Variants in LAMB4 observed in about 807,000 individuals in gnomAD.
LAMB4 encodes laminin subunit beta 4, also known as laminin subunit beta-4.
A neutral mutation model predicts 199.2 loss-of-function variants in LAMB4; 196 were observed. The observed-to-expected ratio is 0.98, with a 90% CI of 0.88 to 1.11. The LOEUF is 1.11. Among genes scored for constraint, LAMB4 ranks in the 50% least tolerant of loss-of-function variants. The probability of loss-of-function intolerance (pLI) is 0.00; values close to 1 mark genes in which losing one functional copy is unlikely to be tolerated. For synonymous variants in LAMB4, 744 were observed against 770.6 expected (o/e 0.97, Z 0.57); for missense variants, 2,080 against 2,171.2 (o/e 0.96, Z 0.83).
At chr7:108,047,583 G>C (rs906675791) in intron 28 of LAMB4, among the ~76,000 whole-genome samples, 1 of 151,980 alleles carries the variant, frequency 6.6e-6, no homozygotes, top group African/African-American at 2.4e-5. Flanking sequence ...GTCAACAGTG[G>C]GCTATTAGCA....
At chr7:108,033,555 C>G (rs535238341) in intron 31 of LAMB4, among the ~76,000 whole-genome samples, 12 of 151,866 alleles carry the variant, frequency 7.9e-5, no homozygotes, top group Non-Finnish European at 1.5e-4. Context: ...ATTATAGGTG[C>G]CTGCCACCAT....
chr7:108,089,310 G>A (rs147156881), intron 14 of LAMB4, among the ~76,000 whole-genome samples: 5 of 152,160 alleles, frequency 3.3e-5, no homozygotes, highest in Non-Finnish European at 7.4e-5. Flanking sequence ...ATAAAGTTTA[G>A]CCTCTTTAGC....
In LAMB4 at chr7:108,030,872, T is replaced by C. The variant is rs772652932; in HGVS notation, c.4926A>G (p.Gln1642=). Residue 1642 remains glutamine, a synonymous_variant, in exon 32 of 34, where the codon CAA becomes CAG. Coordinates refer to ENST00000388781, the MANE Select transcript of LAMB4 (RefSeq NM_007356.3). ...SLLQTKLQRH[Q]DHAVNAKVQA... is the part of the protein sequence containing the mutation. Reference sequence around the variant, plus strand: ...GAACTTTCGCATTGACAGCGTGGTCTTGATGCCTTTGCAACTTGGTCTGCA... The same window carrying C: ...GAACTTTCGCATTGACAGCGTGGTCCTGATGCCTTTGCAACTTGGTCTGCA... 19 of 1,614,176 alleles carry C rather than the reference T, an allele frequency of 1.2e-5. No individual in the cohort carries two copies. Among genetic ancestry groups the C allele is most frequent in the Middle Eastern group, 3.3e-4 (2 of 6,062 alleles).
Position 108,103,326 on chromosome 7 carries a change from T to C in LAMB4, c.992-94A>G, listed in dbSNP as rs555458146. Reference sequence around the variant, plus strand: ...TGGTCAGGGCACCCGCTAGTCCTCCTTGTCCTCCTGCCATTTCGTGTTCTT... The same window carrying C: ...TGGTCAGGGCACCCGCTAGTCCTCCCTGTCCTCCTGCCATTTCGTGTTCTT... On this transcript the variant is annotated intron_variant, in intron 9 of 33. Coordinates refer to ENST00000388781, the MANE Select transcript of LAMB4 (RefSeq NM_007356.3). The C allele has an allele frequency of 5.0e-6, 5 of 1,009,462 alleles. No individual in the cohort carries two copies. In the African/African-American group the frequency reaches 8.0e-5, roughly 16 times the overall value. The allele number at this position is 1,009,462 out of a possible 1,614,324, so 62.5% of individuals were successfully genotyped here. A position where few individuals can be genotyped will look rare whatever the true frequency, so the allele number is the denominator to read the frequency against.
chr7:108,108,407 C>G (rs986664049), intron 5 of LAMB4, among the ~76,000 whole-genome samples: 2 of 152,142 alleles, frequency 1.3e-5, no homozygotes, highest in African/African-American at 4.8e-5. Context: ...TAATATTTTA[C>G]AGCAATTTGT....
intron 14 of LAMB4, among the ~76,000 whole-genome samples, chr7:108,081,528 T>A (rs940956990): frequency 1.3e-5 from 2 of 152,212 alleles, no homozygotes; most frequent in African/African-American, 2.4e-5. Context: ...ATAAATCACT[T>A]GCAGTTGAAT....
In LAMB4 at chr7:108,078,261, T is replaced by TGCTC; in HGVS notation, c.1939_1942dup (p.His648ArgfsTer83). The TGCTC allele has an allele frequency of 6.2e-7, 1 of 1,611,840 alleles. No homozygotes were observed. The highest frequency in any genetic ancestry group is 1.1e-5 in the South Asian group (1 of 90,194). ...TGACTGTAGAGTCTTGGGTATGCAG[T>TGCTC]GCTCACTCCCTCCAGGGGGGTTCAC... On this transcript the variant is annotated frameshift_variant, in exon 16 of 34. Coordinates refer to ENST00000388781, the MANE Select transcript of LAMB4 (RefSeq NM_007356.3). LOFTEE classifies it high-confidence loss of function.
intron 6 of LAMB4, 68 bp downstream of exon 6, chr7:108,107,563 C>A: frequency 7.8e-7 from 1 of 1,280,340 alleles, no homozygotes; most frequent in South Asian, 1.4e-5. Context: ...GAAAGTTTTT[C>A]ATTTAAGTTA....
rs751919338 is a variant in LAMB4 at position 108,062,747 on chromosome 7, G to A, written c.3282+27C>T. On this transcript the variant is annotated intron_variant, in intron 23 of 33. Coordinates refer to ENST00000388781, the MANE Select transcript of LAMB4 (RefSeq NM_007356.3). ...TCTCACTATCATGCTCACTTTGAGT[G>A]CACTAGTAAGCTTTAAAGTATCTTG... 5 of 1,257,646 alleles carry A rather than the reference G, an allele frequency of 4.0e-6. 1 individual carries two copies. The South Asian group carries it at 9.3e-5, about 23-fold the overall frequency. The allele number at this position is 1,257,646 out of a possible 1,614,324, so 77.9% of individuals were successfully genotyped here. A position where few individuals can be genotyped will look rare whatever the true frequency, so the allele number is the denominator to read the frequency against.
intron 14 of LAMB4, among the ~76,000 whole-genome samples, chr7:108,081,975 C>T (rs1223977347): frequency 6.6e-6 from 1 of 152,112 alleles, no homozygotes; most frequent in East Asian, 1.9e-4. Flanking sequence ...AAGAGACTCT[C>T]GTCTCCTTAA....
chr7:108,051,622 G>A (rs970442010), intron 26 of LAMB4, among the ~76,000 whole-genome samples: 1 of 152,080 alleles, frequency 6.6e-6, no homozygotes, highest in African/African-American at 2.4e-5. Context: ...ATGAGTTAAG[G>A]GTGTGTAGTA....
At chr7:108,083,769 G>A (rs950341506) in intron 14 of LAMB4, among the ~76,000 whole-genome samples, 1 of 152,202 alleles carries the variant, frequency 6.6e-6, no homozygotes, top group Non-Finnish European at 1.5e-5. Flanking sequence ...AACCAAGTAG[G>A]ATTAGCCATG....
rs547490237 is a variant in LAMB4, at chr7:108,112,866, C to G, written c.193-920G>C. On this transcript the variant is annotated intron_variant, in intron 3 of 33. Coordinates refer to ENST00000388781, the MANE Select transcript of LAMB4 (RefSeq NM_007356.3). ...GCATAGGTGCTCAGCTGGTGGCACT[C>G]AGTGCACGTTGCTTGTATGTCCTAG... 5.9e-5 allele frequency among the ~76,000 whole-genome samples: 9 copies of G among 152,322 alleles called. No individual in the cohort carries two copies. In the East Asian group the frequency reaches 1.5e-3, roughly 26 times the overall value.
chr7:108,104,399 C>A, intron 9 of LAMB4, 100 bp downstream of exon 9: 2 of 1,419,666 alleles, frequency 1.4e-6, no homozygotes, highest in South Asian at 1.3e-5. Context: ...ACAGCCTCCC[C>A]ACTTTGGTGC....
intron 2 of LAMB4, among the ~76,000 whole-genome samples, chr7:108,118,407 C>A (rs562503367): frequency 2.8e-4 from 42 of 152,140 alleles, no homozygotes; most frequent in Admixed American, 2.4e-3. Flanking sequence ...AAAGAACAGA[C>A]TGCGATTTTG....
intron 2 of LAMB4, among the ~76,000 whole-genome samples, chr7:108,116,904 G>T (rs1214565996): frequency 6.6e-6 from 1 of 152,182 alleles, no homozygotes; most frequent in Non-Finnish European, 1.5e-5. Context: ...AGGCATGGTG[G>T]TTCATGCTTG....
At chr7:108,054,534 G>A (rs1053448187) in intron 25 of LAMB4, among the ~76,000 whole-genome samples, 17 of 152,224 alleles carry the variant, frequency 1.1e-4, no homozygotes, top group African/African-American at 4.1e-4. Context: ...GGGGAGGAAG[G>A]ATATTTTGCT....
At chr7:108,047,797 T>C in intron 28 of LAMB4, 111 bp downstream of exon 28, 1 of 822,242 alleles carries the variant, frequency 1.2e-6, no homozygotes, top group East Asian at 2.5e-5. Context: ...GAACACCAAC[T>C]ATCTAGAATC....
At chr7:108,026,797 C>T in intron 33 of LAMB4, 2 of 445,878 alleles carry the variant, frequency 4.5e-6, no homozygotes, top group South Asian at 1.7e-5. Flanking sequence ...AGGGGCTCCT[C>T]TTCCTAACAG....
Sources: gnomAD v4.1 joint callset for allele counts (sites outside exome capture counted in the v4.1 genomes callset) on GRCh38, gnomAD v4.1.1 for gene constraint, MANE v1.5 for transcripts, NCBI Gene and HGNC (gene_info 2026-07-23, HGNC 2026-07-21) for gene names.